GDF7: variants seen among roughly 807,000 people sequenced by gnomAD.
GDF7 encodes growth/differentiation factor 7.
GDF7 carries 12 observed loss-of-function variants against 13.4 expected under a neutral mutation model. The observed-to-expected ratio is 0.90, with a 90% confidence interval of 0.57 to 1.45. The LOEUF is 1.45. Ranked by LOEUF, GDF7 falls within the 40% of genes most tolerant of loss-of-function variation. The pLI, the probability that GDF7 is intolerant of heterozygous loss-of-function variation, is 0.00. For missense variants in GDF7, 651 were observed against 652.4 expected, an observed-to-expected ratio of 1.00 and a Z score of 0.02; for synonymous variants, 330 against 306.4, an observed-to-expected ratio of 1.08 and a Z score of -0.80.
rs75463203 is a variant in GDF7 at position 20,676,510 on chromosome 2, T to C, written c.*5085T>C. On this transcript the variant is annotated 3_prime_UTR_variant, in exon 2 of 2. Coordinates refer to ENST00000272224, the MANE Select transcript of GDF7 (RefSeq NM_182828.4). ...CTGTTGTGAAAGAAGCCTGTTTTTT[T>C]CAGGAGGGCCACCGTCCTAGCCTGA... 6.6e-6 allele frequency: 1 copy of C among 152,390 alleles called. No individual in the cohort carries two copies. Among genetic ancestry groups the C allele is most frequent in the East Asian group, 1.9e-4 (1 of 5,180 alleles). The allele number at this position is 152,390 out of a possible 1,614,324, so 9.4% of individuals were successfully genotyped here.
chr2:20,667,598 C>T lies in GDF7; in HGVS notation c.359C>T (p.Thr120Met), dbSNP rs758601143. The T allele has an allele frequency of 2.6e-6, 4 of 1,510,040 alleles. No homozygotes were observed. The highest frequency in any genetic ancestry group is 3.5e-6 in the Non-Finnish European group (4 of 1,135,904). 93.5% of individuals were successfully genotyped at this position (1,510,040 alleles called of 1,614,324 possible). A position where few individuals can be genotyped will look rare whatever the true frequency, so the allele number is the denominator to read the frequency against. The change falls in exon 1 of 2, where the codon ACG (threonine) becomes ATG (methionine). Residue 120 changes from threonine (T) to methionine (M), a missense_variant. By Grantham distance (81) the Thr-to-Met change is moderately conservative. Transcript: ENST00000272224. This position sits in a 1 kb window ranked among gnomAD's most constrained non-coding sequence, Gnocchi z 6.4. ...VSASGHGRAD[T>M]ITGFTDQATQ... ...GCCTCGGGCCATGGTCGCGCGGACACGATCACCGGCTTCACAGACCAGGCG... is the reference window on the plus strand; with the variant it reads ...GCCTCGGGCCATGGTCGCGCGGACATGATCACCGGCTTCACAGACCAGGCG...
Position 20,667,662 on chromosome 2 carries a change from C to G in GDF7, c.391+32C>G, listed in dbSNP as rs1392498678. ...ACGCCTCTTCTGTGCCCGCCCATCC[C>G]GTCAGGTCCTGGGCTGAGACCAGCC... On this transcript the variant is annotated intron_variant, in intron 1 of 1. Coordinates refer to ENST00000272224, the MANE Select transcript of GDF7 (RefSeq NM_182828.4). This position sits in a 1 kb window ranked among gnomAD's most constrained non-coding sequence, Gnocchi z 6.4. 3 of 1,372,668 alleles carry G rather than the reference C, an allele frequency of 2.2e-6. No individual in the cohort carries two copies. Among genetic ancestry groups the G allele is most frequent in the African/African-American group, 1.5e-5 (1 of 66,130 alleles). The allele number at this position is 1,372,668 out of a possible 1,614,324, so 85.0% of individuals were successfully genotyped here.
rs1199665978 is a variant in GDF7 at position 20,667,195 on chromosome 2, G to C, written c.-45G>C. On this transcript the variant is annotated 5_prime_UTR_variant, in exon 1 of 2. Coordinates refer to ENST00000272224, the MANE Select transcript of GDF7 (RefSeq NM_182828.4). The surrounding 1 kb of genome is among the most constrained non-coding windows in gnomAD (Gnocchi z 6.4). ...TCAAAAGGCGCCGGGGGACTTCCCG[G>C]AGCCACGGAGCCCGCGCCGCCCGCC... The C allele has an allele frequency of 8.8e-7, 1 of 1,133,278 alleles. No homozygotes were observed. Among genetic ancestry groups the C allele is most frequent in the Non-Finnish European group, 1.1e-6 (1 of 925,306 alleles). 70.2% of individuals were successfully genotyped at this position (1,133,278 alleles called of 1,614,324 possible).
In GDF7 at chr2:20,671,253, A is replaced by G. The variant is rs1662119867; in HGVS notation, c.1181A>G (p.Asn394Ser). The change falls in exon 2 of 2, where the codon AAC becomes AGC. Residue 394 changes from asparagine (N) to serine (S), a missense_variant. Asn to Ser is a conservative substitution (Grantham distance 46, BLOSUM62 1). Around this residue, in one of 4 missense-constraint regions of GDF7, gnomAD observed 101 missense variants for 139.2 expected, o/e 0.73. Transcript: ENST00000272224. Reference protein sequence around the residue: ...FPLRSHLEPTNHAIIQTLLNS... With the variant: ...FPLRSHLEPTSHAIIQTLLNS... ...TTGCGTTCGCACCTCGAGCCCACCAACCATGCCATCATTCAGACGCTGCTC... is the reference window on the plus strand; with the variant it reads ...TTGCGTTCGCACCTCGAGCCCACCAGCCATGCCATCATTCAGACGCTGCTC... The G allele has an allele frequency of 6.2e-7, 1 of 1,613,958 alleles. No homozygotes were observed. Among genetic ancestry groups the G allele is most frequent in the Non-Finnish European group, 8.5e-7 (1 of 1,179,960 alleles).
Position 20,671,389 on chromosome 2 carries a change from C to G in GDF7, c.1317C>G (p.Tyr439Ter), listed in dbSNP as rs1662122729. 6.2e-7 allele frequency: 1 copy of G among 1,612,096 alleles called. No homozygotes were observed. The highest frequency in any genetic ancestry group is 8.5e-7 in the Non-Finnish European group (1 of 1,179,502). ...DAANNVVYKQ[Y>*]EDMVVEACGC... Reference sequence around the variant, plus strand: ...CCAACAACGTTGTCTACAAGCAATACGAGGACATGGTGGTGGAGGCCTGCG... The same window carrying G: ...CCAACAACGTTGTCTACAAGCAATAGGAGGACATGGTGGTGGAGGCCTGCG... The change falls in exon 2 of 2, where the codon TAC becomes TAG. Residue 439 changes from tyrosine (Y) to a stop codon, truncating the protein, a stop_gained. Transcript: ENST00000272224. LOFTEE classifies it high-confidence loss of function.
In GDF7 at chr2:20,670,964, G is replaced by C. The variant is rs1410422338; in HGVS notation, c.892G>C (p.Glu298Gln). 39 of 1,561,304 alleles carry C rather than the reference G, an allele frequency of 2.5e-5. No individual in the cohort carries two copies. The highest frequency in any genetic ancestry group is 3.3e-5 in the Non-Finnish European group (38 of 1,161,110). ...ARALGAALAS[E>Q]PLPDPGTGTA... The stretch of plus-strand genomic sequence containing the variant: ...CGCGCTCGGGGCCGCTCTGGCCTCA[G>C]AGCCGCTGCCCGACCCAGGAACCGG... Residue 298 changes from glutamate (E) to glutamine (Q), a missense_variant, in exon 2 of 2, where the codon GAG becomes CAG. This residue lies in a region of GDF7 where 487 missense variants were observed against 445.9 expected (regional missense o/e 1.09). Transcript: ENST00000272224.
chr2:20,667,209 G>A lies in GDF7; in HGVS notation c.-31G>A. On this transcript the variant is annotated 5_prime_UTR_variant, in exon 1 of 2. Transcript: ENST00000272224. This position sits in a 1 kb window ranked among gnomAD's most constrained non-coding sequence, Gnocchi z 6.4. ...GGGACTTCCCGGAGCCACGGAGCCC[G>A]CGCCGCCCGCCCGCCCGGCCCACGG... 1.7e-6 allele frequency: 2 copies of A among 1,157,646 alleles called. No individual in the cohort carries two copies. The highest frequency in any genetic ancestry group is 2.1e-6 in the Non-Finnish European group (2 of 940,926). 71.7% of individuals were successfully genotyped at this position (1,157,646 alleles called of 1,614,324 possible).
Position 20,669,480 on chromosome 2 carries a change from A to AT in GDF7, c.392-983dup, listed in dbSNP as rs528506651. 1.6e-4 allele frequency among the ~76,000 whole-genome samples: 25 copies of AT among 152,290 alleles called. No homozygotes were observed. In the East Asian group the frequency reaches 4.8e-3, roughly 29 times the overall value. On this transcript the variant is annotated intron_variant, in intron 1 of 1. Coordinates refer to ENST00000272224, the MANE Select transcript of GDF7 (RefSeq NM_182828.4). The stretch of plus-strand genomic sequence containing the variant: ...AGAAAAAAGAGTGTCCACACTGGAA[A>AT]TAAAACCCCTAAGCCCGAGATAAGT...
At chr2:20,669,073 C>T (rs1321597524) in intron 1 of GDF7, among the ~76,000 whole-genome samples, 1 of 152,228 alleles carries the variant, frequency 6.6e-6, no homozygotes, top group Non-Finnish European at 1.5e-5. Flanking sequence ...GAGGCCTCCT[C>T]TCCCTCCTCC....
Position 20,670,775 on chromosome 2 carries a change from C to T in GDF7, c.703C>T (p.Arg235Cys). 6.7e-7 allele frequency: 1 copy of T among 1,491,676 alleles called. No individual in the cohort carries two copies. The highest frequency in any genetic ancestry group is 8.9e-7 in the Non-Finnish European group (1 of 1,126,908). The allele number at this position is 1,491,676 out of a possible 1,614,324, so 92.4% of individuals were successfully genotyped here. The change falls in exon 2 of 2, where the codon CGC becomes TGC. Residue 235 changes from arginine to cysteine, a missense_variant. Arg to Cys is a radical substitution (Grantham distance 180, BLOSUM62 -3). This residue lies in a region of GDF7 where 487 missense variants were observed against 445.9 expected (regional missense o/e 1.09). Transcript: ENST00000272224. ...RPPRAFCLLL[R>C]AVAGPVPSPL... ...CCCCCGCGCGTTCTGCCTCTTGCTGCGCGCAGTGGCAGGCCCGGTGCCGAG... is the reference window on the plus strand; with the variant it reads ...CCCCCGCGCGTTCTGCCTCTTGCTGTGCGCAGTGGCAGGCCCGGTGCCGAG...
chr2:20,673,205 A>AAG lies in GDF7; in HGVS notation c.*1781_*1782insGA, dbSNP rs909433277. On this transcript the variant is annotated 3_prime_UTR_variant, in exon 2 of 2. Coordinates refer to ENST00000272224, the MANE Select transcript of GDF7 (RefSeq NM_182828.4). ...ATCCTGTAAAATTCTCCCAAAAGAA[A>AAG]AAAAAATACACGTGTAAATTACTCT... is the stretch of plus-strand genomic sequence containing the variant. The AAG allele has an allele frequency of 2.0e-5, 3 of 151,862 alleles. No individual in the cohort carries two copies. Among genetic ancestry groups the AAG allele is most frequent in the Admixed American group, 1.3e-4 (2 of 15,240 alleles). The allele number at this position is 151,862 out of a possible 1,614,324, so 9.4% of individuals were successfully genotyped here. A position where few individuals can be genotyped will look rare whatever the true frequency, so the allele number is the denominator to read the frequency against.
At chr2:20,668,429 G>A (rs936121905) in intron 1 of GDF7, among the ~76,000 whole-genome samples, 29 of 152,244 alleles carry the variant, frequency 1.9e-4, no homozygotes, top group African/African-American at 6.5e-4. Flanking sequence ...GCTGTGGTGT[G>A]GCTGCTGTAT....
chr2:20,668,801 T>C (rs1306727430), intron 1 of GDF7, among the ~76,000 whole-genome samples: 2 of 152,206 alleles, frequency 1.3e-5, no homozygotes, highest in Non-Finnish European at 2.9e-5. Context: ...CAAATGGCCC[T>C]GTGGTTCGGT....
Position 20,671,601 on chromosome 2 carries a change from C to T in GDF7, c.*176C>T. On this transcript the variant is annotated 3_prime_UTR_variant, in exon 2 of 2. Transcript: ENST00000272224. ...CTCGTGCAGTCACGCACACATTTAC[C>T]GGGGACAGCATGTGAAAGCCTTGGG... The T allele has an allele frequency of 7.7e-6, 5 of 646,276 alleles. No individual in the cohort carries two copies. The Middle Eastern group carries it at 1.7e-3, about 221-fold the overall frequency. 40.0% of individuals were successfully genotyped at this position (646,276 alleles called of 1,614,324 possible). A position where few individuals can be genotyped will look rare whatever the true frequency, so the allele number is the denominator to read the frequency against.
rs1422684398 is a variant in GDF7 at position 20,667,327 on chromosome 2, C to T, written c.88C>T (p.Arg30Ter). The change falls in exon 1 of 2, where the codon CGA (arginine) becomes TGA (stop). Residue 30 changes from arginine to a stop codon, truncating the protein, a stop_gained. Coordinates refer to ENST00000272224, the MANE Select transcript of GDF7 (RefSeq NM_182828.4). LOFTEE classifies it high-confidence loss of function. This position sits in a 1 kb window ranked among gnomAD's most constrained non-coding sequence, Gnocchi z 6.4. Reference protein sequence around the residue: ...RDGLEAAAVLRAAGAGPVRSP... With the variant: ...RDGLEAAAVL ...CGGGCTGGAAGCGGCCGCCGTGCTG[C>T]GAGCGGCGGGGGCTGGGCCGGTCCG... The T allele has an allele frequency of 2.8e-6, 3 of 1,077,334 alleles. No homozygotes were observed. Among genetic ancestry groups the T allele is most frequent in the South Asian group, 3.4e-5 (1 of 29,790 alleles). The allele number at this position is 1,077,334 out of a possible 1,614,324, so 66.7% of individuals were successfully genotyped here.
rs1396469489 is a variant in GDF7, at chr2:20,670,754, C to T, written c.682C>T (p.Arg228Cys). 1.3e-6 allele frequency: 2 copies of T among 1,485,558 alleles called. No individual in the cohort carries two copies. The highest frequency in any genetic ancestry group is 1.8e-6 in the Non-Finnish European group (2 of 1,123,828). The allele number at this position is 1,485,558 out of a possible 1,614,324, so 92.0% of individuals were successfully genotyped here. Residue 228 changes from arginine (R) to cysteine (C), a missense_variant, in exon 2 of 2, where the codon CGC becomes TGC. Physicochemically the swap from Arg to Cys is radical, Grantham distance 180. Transcript: ENST00000272224. ...CCACCGTCGTGAACCGCGCCCCCCC[C>T]GCGCGTTCTGCCTCTTGCTGCGCGC... ...RRHRREPRPPRAFCLLLRAVA... is the reference protein window; with the variant it reads ...RRHRREPRPPCAFCLLLRAVA...
rs1252063960 is a variant in GDF7, at chr2:20,671,395, C to T, written c.1323C>T (p.Asp441=). 1 of 1,612,434 alleles carries T rather than the reference C, an allele frequency of 6.2e-7. No homozygotes were observed. ...ANNVVYKQYE[D]MVVEACGCR ...ACGTTGTCTACAAGCAATACGAGGA[C>T]ATGGTGGTGGAGGCCTGCGGCTGCA... is the stretch of plus-strand genomic sequence containing the variant. Residue 441 remains aspartate (D), a synonymous_variant, in exon 2 of 2, where the codon GAC becomes GAT. Coordinates refer to ENST00000272224, the MANE Select transcript of GDF7 (RefSeq NM_182828.4).
In GDF7 at chr2:20,667,389, G is replaced by GGCGGCGGCGGCGGCGGCGGC; in HGVS notation, c.150_151insGCGGCGGCGGCGGCGGCGGC (p.Arg51AlafsTer49). The GGCGGCGGCGGCGGCGGCGGC allele has an allele frequency of 1.7e-5, 1 of 57,558 alleles. No homozygotes were observed. Among genetic ancestry groups the GGCGGCGGCGGCGGCGGCGGC allele is most frequent in the African/African-American group, 9.3e-5 (1 of 10,734 alleles). The allele number at this position is 57,558 out of a possible 1,614,324, so 3.6% of individuals were successfully genotyped here. A position where few individuals can be genotyped will look rare whatever the true frequency, so the allele number is the denominator to read the frequency against. ...GCGGCGGCGGCGGCGGCGGCGGCGG[G>GGCGGCGGCGGCGGCGGCGGC]CGGACTCTTGCCCAGGCTGCGGGCG... On this transcript the variant is annotated frameshift_variant, in exon 1 of 2. Transcript: ENST00000272224. LOFTEE classifies it high-confidence loss of function. This position sits in a 1 kb window ranked among gnomAD's most constrained non-coding sequence, Gnocchi z 6.4.
At chr2:20,670,174 C>G (rs1298870406) in intron 1 of GDF7, among the ~76,000 whole-genome samples, 1 of 152,156 alleles carries the variant, frequency 6.6e-6, no homozygotes, top group Non-Finnish European at 1.5e-5. Flanking sequence ...CGCTCCTGGT[C>G]CCGCGGCTCA....
Sources: allele counts gnomAD v4.1 joint callset (sites outside exome capture counted in the v4.1 genomes callset), GRCh38; gene constraint gnomAD v4.1.1; regional missense constraint gnomAD v4.1.1; non-coding constraint Gnocchi (gnomAD v3.1); transcripts MANE v1.5; gene names NCBI Gene and HGNC (gene_info 2026-07-23, HGNC 2026-07-21).